TENM2: variants seen among roughly 807,000 people sequenced by gnomAD.
TENM2 encodes teneurin transmembrane protein 2.
Under a neutral mutation model 245.2 loss-of-function variants are expected in TENM2, and 52 were observed. The observed-to-expected ratio is 0.21, with a 90% CI of 0.17 to 0.27. The LOEUF is 0.27. TENM2 is among the 10% of genes least tolerant of loss of function. The pLI, the probability that TENM2 is intolerant of heterozygous loss-of-function variation, is 1.00. For missense variants in TENM2, 3,046 were observed against 3,666.8 expected (o/e 0.83, Z 4.37); for synonymous variants, 1,363 against 1,438.9 (o/e 0.95, Z 1.19).
chr5:167,167,444 A>G, the TENM2 span, among the ~76,000 whole-genome samples: 3 of 152,128 alleles, frequency 2.0e-5, no homozygotes, highest in Non-Finnish European at 2.9e-5. Context: ...TCATAAACTC[A>G]GCTCCGGATC....
chr5:167,715,837 AT>A (rs1759217968), intron 2 of TENM2, among the ~76,000 whole-genome samples: 1 of 152,142 alleles, frequency 6.6e-6, no homozygotes, highest in African/African-American at 2.4e-5. Context: ...GCATTCTACT[AT>A]TTTTCAGTTT....
At chr5:167,456,188 G>T (rs1034556918) in intron 2 of TENM2, among the ~76,000 whole-genome samples, 1 of 152,118 alleles carries the variant, frequency 6.6e-6, no homozygotes, top group Non-Finnish European at 1.5e-5. Context: ...CACATCCTTG[G>T]AAGAGATGAC....
At chr5:168,118,596 A>T (rs1447430206) in intron 10 of TENM2, 110 bp downstream of exon 12, 2 of 830,156 alleles carry the variant, frequency 2.4e-6, no homozygotes, top group Non-Finnish European at 3.5e-6. Context: ...GAGAAGTTTC[A>T]ACATTTTGCA....
At chr5:167,163,366 C>T in the TENM2 span, among the ~76,000 whole-genome samples, 2 of 152,190 alleles carry the variant, frequency 1.3e-5, no homozygotes, top group African/African-American at 4.8e-5. Context: ...GCTGGGATTA[C>T]AGGCGTGAGA....
At chr5:167,709,393 C>T (rs958989342) in intron 2 of TENM2, among the ~76,000 whole-genome samples, 3 of 152,184 alleles carry the variant, frequency 2.0e-5, no homozygotes, top group Non-Finnish European at 2.9e-5. Flanking sequence ...TCCAGTGCAT[C>T]CAGGCCATTT....
chr5:168,144,651 G>A (rs1156294336), intron 12 of TENM2, among the ~76,000 whole-genome samples: 3 of 151,532 alleles, frequency 2.0e-5, no homozygotes, highest in Non-Finnish European at 4.4e-5. Context: ...ACATGTGCAT[G>A]TGTCTTTATA....
chr5:167,233,071 G>T, the TENM2 span, among the ~76,000 whole-genome samples: 1 of 152,172 alleles, frequency 6.6e-6, no homozygotes, highest in Admixed American at 6.5e-5. Flanking sequence ...TATGCTAAGT[G>T]CCAAATCAGT....
At chr5:167,549,586 A>C (rs994360656) in intron 2 of TENM2, among the ~76,000 whole-genome samples, 1 of 152,156 alleles carries the variant, frequency 6.6e-6, no homozygotes, top group Admixed American at 6.5e-5. Context: ...GAGGACCTAA[A>C]GTGTCCCTCT....
chr5:167,706,120 AT>A (rs1758502794), intron 2 of TENM2, among the ~76,000 whole-genome samples: 1 of 146,056 alleles, frequency 6.8e-6, no homozygotes, highest in Non-Finnish European at 1.5e-5. Flanking sequence ...ATGTATAATT[AT>A]ACCAGTATAT....
intron 12 of TENM2, among the ~76,000 whole-genome samples, chr5:168,128,162 G>A (rs909487160): frequency 6.6e-6 from 1 of 152,206 alleles, no homozygotes; most frequent in African/African-American, 2.4e-5. Context: ...CATAGCACTG[G>A]GACCCTGCTG....
At chr5:167,439,587 T>C (rs1003889428) in intron 2 of TENM2, among the ~76,000 whole-genome samples, 5 of 152,214 alleles carry the variant, frequency 3.3e-5, no homozygotes, top group Non-Finnish European at 7.3e-5. Context: ...CAGTGTATTA[T>C]TAATTCATGC....
chr5:167,725,444 C>T (rs1345991403), intron 2 of TENM2, among the ~76,000 whole-genome samples: 2 of 152,140 alleles, frequency 1.3e-5, no homozygotes, highest in Non-Finnish European at 2.9e-5. Context: ...TATTTTTCTC[C>T]TAGCACTGAC....
intron 28 of TENM2, among the ~76,000 whole-genome samples, chr5:168,261,220 C>A (rs1353244889): frequency 6.6e-6 from 1 of 152,176 alleles, no homozygotes; most frequent in Admixed American, 6.5e-5. Context: ...TGTCCCCCAA[C>A]CACCAATTGA....
chr5:167,799,415 G>A (rs1765545766), intron 2 of TENM2, among the ~76,000 whole-genome samples: 1 of 152,108 alleles, frequency 6.6e-6, no homozygotes, highest in Non-Finnish European at 1.5e-5. Context: ...TTTGGCCTTT[G>A]CTTTCTATTT....
intron 3 of TENM2, among the ~76,000 whole-genome samples, chr5:167,896,639 T>G (rs1775249909): frequency 6.6e-6 from 1 of 152,076 alleles, no homozygotes; most frequent in Non-Finnish European, 1.5e-5. Flanking sequence ...GTGCCCTTAT[T>G]AAAAAGCACG....
intron 2 of TENM2, among the ~76,000 whole-genome samples, chr5:167,807,267 C>T (rs1766275617): frequency 6.6e-6 from 1 of 150,666 alleles, no homozygotes; most frequent in Admixed American, 6.6e-5. Context: ...CTTTACTACA[C>T]ACTTCCCCAG....
At chr5:167,326,693 T>TA (rs1554134347) in intron 1 of TENM2, among the ~76,000 whole-genome samples, 1 of 123,546 alleles carries the variant, frequency 8.1e-6, no homozygotes, top group Admixed American at 8.7e-5. Flanking sequence ...ATAATTATAA[T>TA]AATAAATAAA....
the TENM2 span, among the ~76,000 whole-genome samples, chr5:167,013,796 G>A: frequency 6.6e-6 from 1 of 152,136 alleles, no homozygotes; most frequent in Non-Finnish European, 1.5e-5. Flanking sequence ...CTATAATTTG[G>A]GCAAGTTTAC....
intron 2 of TENM2, among the ~76,000 whole-genome samples, chr5:167,440,884 AG>A: frequency 7.8e-6 from 1 of 128,110 alleles, no homozygotes; most frequent in East Asian, 2.4e-4. Context: ...AAGGCAGCGC[AG>A]CACTGTTTGG....
Sources: gnomAD v4.1 joint callset for allele counts (sites outside exome capture counted in the v4.1 genomes callset) on GRCh38, gnomAD v4.1.1 for gene constraint, MANE v1.5 for transcripts, NCBI Gene and HGNC (gene_info 2026-07-23, HGNC 2026-07-21) for gene names.